RAET1L: variants seen among roughly 807,000 people sequenced by gnomAD.
RAET1L encodes retinoic acid early transcript 1L.
RAET1L carries 16 observed loss-of-function variants against 23.9 expected under a neutral mutation model. The observed-to-expected ratio is 0.67, with a 90% CI of 0.45 to 1.02. The LOEUF is 1.02. Among genes scored for constraint, RAET1L ranks in the 50% least tolerant of loss-of-function variants. The probability of loss-of-function intolerance (pLI) is 0.00; values close to 1 mark genes in which losing one functional copy is unlikely to be tolerated. For missense variants in RAET1L, 233 were observed against 304.0 expected, an observed-to-expected ratio of 0.77 and a Z score of 1.74; for synonymous variants, 70 against 111.2, an observed-to-expected ratio of 0.63 and a Z score of 2.33.
Position 150,021,283 on chromosome 6 carries a change from A to T in RAET1L, c.350-97T>A, listed in dbSNP as rs1582848007. 2.8e-6 allele frequency: 4 copies of T among 1,427,108 alleles called. No individual in the cohort carries two copies. The East Asian group carries it at 9.2e-5, about 33-fold the overall frequency. The allele number at this position is 1,427,108 out of a possible 1,614,324, so 88.4% of individuals were successfully genotyped here. A position where few individuals can be genotyped will look rare whatever the true frequency, so the allele number is the denominator to read the frequency against. On this transcript the variant is annotated intron_variant, in intron 2 of 4. Coordinates refer to ENST00000367341, the MANE Select transcript of RAET1L (RefSeq NM_130900.3). ...TTGCTGGCCTTACTCTCTCTGCTAC[A>T]TCTTGGCCTTGCCTCTAGACTCTTG... is the stretch of plus-strand genomic sequence containing the variant.
At chr6:150,024,446 C>T (rs1001690368) in intron 1 of RAET1L, among the ~76,000 whole-genome samples, 1 of 152,100 alleles carries the variant, frequency 6.6e-6, no homozygotes, top group Non-Finnish European at 1.5e-5. Flanking sequence ...GACGGAGAAC[C>T]CATGGCCTGC....
At chr6:150,020,712 G>T (rs1423910359) in intron 3 of RAET1L, among the ~76,000 whole-genome samples, 193 bp downstream of exon 3, 1 of 152,136 alleles carries the variant, frequency 6.6e-6, no homozygotes, top group Non-Finnish European at 1.5e-5. Flanking sequence ...AGGAATAGGA[G>T]TCAGGAGGGA....
Position 150,021,216 on chromosome 6 carries a change from A to G in RAET1L, c.350-30T>C, listed in dbSNP as rs201852008. 103 of 1,586,628 alleles carry G rather than the reference A, an allele frequency of 6.5e-5. No homozygotes were observed. In the African/African-American group the frequency reaches 7.1e-4, roughly 11 times the overall value. On this transcript the variant is annotated intron_variant, in intron 2 of 4. Coordinates refer to ENST00000367341, the MANE Select transcript of RAET1L (RefSeq NM_130900.3). ...CCCCATCAGAGAGAGATCAGCTCTGATCTTGACAAATTTTGCACCCCCATC... is the reference window on the plus strand; with the variant it reads ...CCCCATCAGAGAGAGATCAGCTCTGGTCTTGACAAATTTTGCACCCCCATC...
rs1358275180 is a variant in RAET1L at position 150,018,662 on chromosome 6, A to G, written c.*216T>C. On this transcript the variant is annotated 3_prime_UTR_variant, in exon 5 of 5. Transcript: ENST00000367341. Reference sequence around the variant, plus strand: ...TAGCACCAAGAGAAAATTGCATAATATGTTAGGAATAATCACTGGTTAAAT... The same window carrying G: ...TAGCACCAAGAGAAAATTGCATAATGTGTTAGGAATAATCACTGGTTAAAT... 2 of 153,938 alleles carry G rather than the reference A, an allele frequency of 1.3e-5. No individual in the cohort carries two copies. Among genetic ancestry groups the G allele is most frequent in the African/African-American group, 2.4e-5 (1 of 41,488 alleles). 9.5% of individuals were successfully genotyped at this position (153,938 alleles called of 1,614,324 possible). A position where few individuals can be genotyped will look rare whatever the true frequency, so the allele number is the denominator to read the frequency against.
chr6:150,019,328 A>G (rs1779858870), intron 4 of RAET1L, among the ~76,000 whole-genome samples: 1 of 151,884 alleles, frequency 6.6e-6, no homozygotes, highest in Non-Finnish European at 1.5e-5. Context: ...TCCCTGTTCC[A>G]CCTTTTCCAT....
chr6:150,023,165 A>G (rs1779907628), intron 1 of RAET1L, among the ~76,000 whole-genome samples: 1 of 150,262 alleles, frequency 6.7e-6, no homozygotes, highest in Non-Finnish European at 1.5e-5. Context: ...GATGGAAATG[A>G]TTAGAGAAGT....
intron 1 of RAET1L, among the ~76,000 whole-genome samples, chr6:150,025,178 C>G (rs1214152363): frequency 2.0e-5 from 3 of 152,120 alleles, no homozygotes; most frequent in African/African-American, 4.8e-5. Context: ...CTCGTTTTCA[C>G]CCTGCTCTTT....
At chr6:150,023,456 C>A (rs1582849086) in intron 1 of RAET1L, among the ~76,000 whole-genome samples, 1 of 152,134 alleles carries the variant, frequency 6.6e-6, no homozygotes, top group African/African-American at 2.4e-5. Flanking sequence ...TTTAACCCTG[C>A]AGCCAGGACA....
intron 3 of RAET1L, among the ~76,000 whole-genome samples, chr6:150,020,618 G>A (rs898492301): frequency 1.3e-5 from 2 of 152,154 alleles, no homozygotes; most frequent in Non-Finnish European, 2.9e-5. Context: ...GAAACACTAA[G>A]GAAAAAGTTC....
At chr6:150,025,111 G>T (rs1390209540) in intron 1 of RAET1L, among the ~76,000 whole-genome samples, 1 of 152,172 alleles carries the variant, frequency 6.6e-6, no homozygotes, top group Non-Finnish European at 1.5e-5. Flanking sequence ...GCTGCACTAG[G>T]AATCCGGGCC....
chr6:150,024,647 C>A (rs892866546), intron 1 of RAET1L, among the ~76,000 whole-genome samples: 2 of 152,036 alleles, frequency 1.3e-5, no homozygotes, highest in Non-Finnish European at 2.9e-5. Context: ...CTTCCCATCC[C>A]CCCTGCACAG....
chr6:150,019,937 A>G (rs1313487524), intron 4 of RAET1L, among the ~76,000 whole-genome samples, 171 bp downstream of exon 4: 4 of 122,604 alleles, frequency 3.3e-5, no homozygotes, highest in African/African-American at 1.1e-4. Flanking sequence ...TGAGCTGCCC[A>G]GGTCATTGCC....
rs147008347 is a variant in RAET1L, at chr6:150,020,964, A to G, written c.572T>C (p.Ile191Thr). 1,624 of 1,614,018 alleles carry G rather than the reference A, an allele frequency of 1.0e-3. 1 individual carries two copies. Among genetic ancestry groups the G allele is most frequent in the Non-Finnish European group, 1.3e-3 (1,570 of 1,180,032 alleles). The change falls in exon 3 of 5, where the codon ATA becomes ACA. Residue 191 changes from isoleucine (I) to threonine (T), a missense_variant. Physicochemically the swap from Ile to Thr is moderately conservative, Grantham distance 89. Transcript: ENST00000367341. Reference sequence around the variant, plus strand: ...CATCAAGAAGTCCTCAAGCCATCCTATGCAGTCTCCCATTGAGATGTAATG... The same window carrying G: ...CATCAAGAAGTCCTCAAGCCATCCTGTGCAGTCTCCCATTGAGATGTAATG... Reference protein sequence around the residue: ...SFHYISMGDCIGWLEDFLMGM... With the variant: ...SFHYISMGDCTGWLEDFLMGM...
At chr6:150,019,033 A>G (rs1309479874) in intron 4 of RAET1L, among the ~76,000 whole-genome samples, 178 bp from the exon 5 acceptor site, 1 of 152,174 alleles carries the variant, frequency 6.6e-6, no homozygotes, top group Non-Finnish European at 1.5e-5. Context: ...CCTTTGTCAC[A>G]TCACAGAGTC....
chr6:150,021,279 C>T (rs1397984661), intron 2 of RAET1L, 93 bp from the exon 3 acceptor site: 4 of 1,441,062 alleles, frequency 2.8e-6, no homozygotes, highest in Non-Finnish European at 3.8e-6. Flanking sequence ...ACTCTCTCTG[C>T]TACATCTTGG....
In RAET1L at chr6:150,018,514, T is replaced by C. The variant is rs1234642334; in HGVS notation, c.*364A>G. On this transcript the variant is annotated 3_prime_UTR_variant, in exon 5 of 5. Transcript: ENST00000367341. ...ATTGTTTTACTGACAATCATGTCAG[T>C]AATGAAAGAAAGAAATCATCATTCA... 6.6e-6 allele frequency: 1 copy of C among 152,268 alleles called. No homozygotes were observed. Among genetic ancestry groups the C allele is most frequent in the Non-Finnish European group, 1.5e-5 (1 of 68,098 alleles). 9.4% of individuals were successfully genotyped at this position (152,268 alleles called of 1,614,324 possible). A position where few individuals can be genotyped will look rare whatever the true frequency, so the allele number is the denominator to read the frequency against.
intron 3 of RAET1L, 118 bp downstream of exon 3, chr6:150,020,787 A>T: frequency 6.6e-7 from 1 of 1,516,706 alleles, no homozygotes; most frequent in South Asian, 1.3e-5. Flanking sequence ...CCCGACGAGG[A>T]GGTCATTTTA....
At position 150,025,431 on chromosome 6, in the gene RAET1L, G is replaced by A. The variant is rs1775877557; in HGVS notation, c.41C>T (p.Pro14Leu). The A allele has an allele frequency of 6.2e-7, 1 of 1,614,032 alleles. No homozygotes were observed. Among genetic ancestry groups the A allele is most frequent in the Non-Finnish European group, 8.5e-7 (1 of 1,179,902 alleles). The change falls in exon 1 of 5, where the codon CCG becomes CTG. Residue 14 changes from proline (P) to leucine (L), a missense_variant. Pro to Leu is a moderately conservative substitution (Grantham distance 98). Around this residue, in one of 4 missense-constraint regions of RAET1L, gnomAD observed 42 missense variants for 35.0 expected, o/e 1.20. Coordinates refer to ENST00000367341, the MANE Select transcript of RAET1L (RefSeq NM_130900.3). ...CCAGCCGAACAGCAGGAACAGAAGC[G>A]GGAGGCACAGAAGCAAAGCTGGGAT... is the stretch of plus-strand genomic sequence containing the variant. The part of the protein sequence containing the change: ...AAIPALLLCL[P>L]LLFLLFGWSR...
Position 150,023,828 on chromosome 6 carries a change from A to T in RAET1L, c.85+1559T>A, listed in dbSNP as rs563334482. 3.9e-5 allele frequency among the ~76,000 whole-genome samples: 6 copies of T among 152,330 alleles called. No homozygotes were observed. The East Asian group carries it at 1.2e-3, about 29-fold the overall frequency. ...CCTGTAGAGTACTGCACCTTGGCAG[A>T]GATGGGGCCTTTTGCCATGCATATA... is the stretch of plus-strand genomic sequence containing the variant. On this transcript the variant is annotated intron_variant, in intron 1 of 4. Coordinates refer to ENST00000367341, the MANE Select transcript of RAET1L (RefSeq NM_130900.3).
Sources: allele counts gnomAD v4.1 joint callset (sites outside exome capture counted in the v4.1 genomes callset), GRCh38; gene constraint gnomAD v4.1.1; regional missense constraint gnomAD v4.1.1; transcripts MANE v1.5; gene names NCBI Gene and HGNC (gene_info 2026-07-23, HGNC 2026-07-21).